NEBL: variants seen among roughly 807,000 people sequenced by gnomAD.
The protein encoded by NEBL is nebulette.
Under a neutral mutation model 140.2 loss-of-function variants are expected in NEBL, and 122 were observed. That is an observed-to-expected ratio of 0.87 (90% confidence interval 0.75 to 1.01). NEBL has a LOEUF of 1.01. NEBL is among the 50% of genes least tolerant of loss of function. NEBL has a pLI of 0.00. For synonymous variants in NEBL, 436 were observed against 398.9 expected, an observed-to-expected ratio of 1.09 and a Z score of -1.11; for missense variants, 1,365 against 1,231.3, an observed-to-expected ratio of 1.11 and a Z score of -1.62.
intron 1 of NEBL, among the ~76,000 whole-genome samples, chr10:21,271,526 CTT>C (rs541717448): frequency 5.0e-5 from 7 of 141,012 alleles, no homozygotes; most frequent in Non-Finnish European, 4.7e-5. Flanking sequence ...GTAAACAGAT[CTT>C]TTTTTTTTTT....
At chr10:21,146,651 A>G in intron 2 of NEBL, 1 of 604,096 alleles carries the variant, frequency 1.7e-6, no homozygotes, top group Non-Finnish European at 2.9e-6. Context: ...TTGACTGATT[A>G]TGAGATGCTC....
intron 3 of NEBL, among the ~76,000 whole-genome samples, chr10:20,978,754 CAA>C (rs60280860): frequency 9.0e-5 from 12 of 133,850 alleles, no homozygotes; most frequent in East Asian, 2.1e-4. Flanking sequence ...GACCCTATCT[CAA>C]AAAAAAAAAA....
Position 20,851,148 on chromosome 10 carries a change from A to C in NEBL, c.1009-646T>G, listed in dbSNP as rs527453365. Among the ~76,000 whole-genome samples the C allele has an allele frequency of 3.9e-5, 6 of 152,338 alleles. No homozygotes were observed. The Middle Eastern group carries it at 0.01, about 259-fold the overall frequency. ...ATTTTTTATCTTCCAATAACAAAAA[A>C]TAATATGTAAGCCATCACAATGGTT... On this transcript the variant is annotated intron_variant, in intron 10 of 27. Coordinates refer to ENST00000377122, the MANE Select transcript of NEBL (RefSeq NM_006393.3).
intron 2 of NEBL, among the ~76,000 whole-genome samples, chr10:21,040,270 G>A (rs1046506762): frequency 1.3e-5 from 2 of 152,132 alleles, no homozygotes; most frequent in Non-Finnish European, 2.9e-5. Context: ...GGAGGCTGAG[G>A]CAGGAGAATC....
chr10:21,020,228 T>G (rs1453324401), intron 2 of NEBL: 2 of 1,576,660 alleles, frequency 1.3e-6, no homozygotes, highest in Admixed American at 1.7e-5. Flanking sequence ...TAAAAGGACA[T>G]AATTAAAATA....
At chr10:20,866,589 C>A (rs1157061742) in intron 7 of NEBL, among the ~76,000 whole-genome samples, 1 of 152,154 alleles carries the variant, frequency 6.6e-6, no homozygotes, top group Non-Finnish European at 1.5e-5. Context: ...AGATTTCTGT[C>A]CCCTGGCAGG....
intron 3 of NEBL, among the ~76,000 whole-genome samples, chr10:21,186,326 G>A (rs962066799): frequency 4.1e-5 from 6 of 148,044 alleles, no homozygotes; most frequent in African/African-American, 1.0e-4. Flanking sequence ...AAATATATGC[G>A]TTGAAGTCCT....
intron 2 of NEBL, among the ~76,000 whole-genome samples, chr10:21,036,890 G>A (rs569306729): frequency 5.9e-5 from 9 of 152,222 alleles, no homozygotes; most frequent in Middle Eastern, 3.4e-3. Context: ...CTACTCAAGC[G>A]TAGAATATTC....
chr10:20,860,578 A>C (rs1843598468), intron 7 of NEBL, among the ~76,000 whole-genome samples: 1 of 150,186 alleles, frequency 6.7e-6, no homozygotes, highest in Non-Finnish European at 1.5e-5. Context: ...AAAAAAAAAA[A>C]AAAAAAAAAC....
intron 3 of NEBL, among the ~76,000 whole-genome samples, chr10:20,980,234 T>C (rs1836978662): frequency 6.6e-6 from 1 of 152,102 alleles, no homozygotes; most frequent in South Asian, 2.1e-4. Flanking sequence ...TCAAATGTCA[T>C]CAGTGAATGG....
chr10:20,811,424 T>C (rs1838126242), intron 24 of NEBL, among the ~76,000 whole-genome samples: 1 of 152,192 alleles, frequency 6.6e-6, no homozygotes, highest in South Asian at 2.1e-4. Flanking sequence ...CTTAAGATAG[T>C]TCCATCCCTT....
intron 26 of NEBL, among the ~76,000 whole-genome samples, chr10:20,802,044 C>T (rs185531340): frequency 1.3e-5 from 2 of 152,260 alleles, no homozygotes; most frequent in African/African-American, 2.4e-5. Context: ...TATCCTTTTA[C>T]GTTTTCCGGA....
intron 22 of NEBL, 22 bp downstream of exon 22, chr10:20,815,603 T>TA: frequency 6.5e-7 from 1 of 1,546,626 alleles, no homozygotes; most frequent in East Asian, 2.3e-5. Context: ...TGTGATAGTC[T>TA]AAAATGAAGA....
chr10:21,274,040 T>C (rs1400040100), intron 1 of NEBL, among the ~76,000 whole-genome samples: 2 of 152,158 alleles, frequency 1.3e-5, no homozygotes, highest in African/African-American at 4.8e-5. Flanking sequence ...ATGGCAATGC[T>C]GAGGGGATGT....
chr10:21,262,026 C>G (rs1055273373), intron 1 of NEBL, among the ~76,000 whole-genome samples: 1 of 152,130 alleles, frequency 6.6e-6, no homozygotes, highest in African/African-American at 2.4e-5. Flanking sequence ...AGGCCCCTCT[C>G]TTTTGTAAGG....
chr10:20,806,183 G>T (rs1303013707), intron 26 of NEBL, among the ~76,000 whole-genome samples: 2 of 152,128 alleles, frequency 1.3e-5, no homozygotes, highest in East Asian at 3.9e-4. Context: ...TACAGCCTTG[G>T]AGGAGAGAAT....
At chr10:20,840,544 G>A (rs1841317265) in intron 13 of NEBL, among the ~76,000 whole-genome samples, 195 bp downstream of exon 13, 1 of 151,950 alleles carries the variant, frequency 6.6e-6, no homozygotes. Flanking sequence ...GTGGGGAAAC[G>A]GCCATTTTTT....
intron 2 of NEBL, among the ~76,000 whole-genome samples, chr10:21,038,163 G>A (rs1834093541): frequency 6.6e-6 from 1 of 152,146 alleles, no homozygotes; most frequent in South Asian, 2.1e-4. Flanking sequence ...TTTCAATCAA[G>A]TAGCAACTCA....
chr10:20,936,601 C>T (rs560283713), intron 4 of NEBL, among the ~76,000 whole-genome samples: 1 of 152,198 alleles, frequency 6.6e-6, no homozygotes, highest in African/African-American at 2.4e-5. Context: ...ATCCAAGGGA[C>T]AGCTCCTTCT....
Sources: gnomAD v4.1 joint callset for allele counts (sites outside exome capture counted in the v4.1 genomes callset) on GRCh38, gnomAD v4.1.1 for gene constraint, MANE v1.5 for transcripts, NCBI Gene and HGNC (gene_info 2026-07-23, HGNC 2026-07-21) for gene names.